The following ATP2A2 variants were observed in gnomAD, a reference collection of about 807,000 sequenced individuals.
The protein encoded by ATP2A2 is sarcoplasmic/endoplasmic reticulum calcium ATPase 2.
A neutral mutation model predicts 109.3 loss-of-function variants in ATP2A2; 14 were observed. The ratio of observed to expected loss-of-function variants is 0.13; its 90% CI spans 0.08 to 0.20. The LOEUF is 0.20. Among genes scored for constraint, ATP2A2 ranks in the 10% least tolerant of loss-of-function variants. The pLI is 1.00. For synonymous variants in ATP2A2, 506 were observed against 490.9 expected (o/e 1.03, Z -0.41); for missense variants, 657 against 1,321.6 (o/e 0.50, Z 7.80).
At position 110,349,012 on chromosome 12, in the gene ATP2A2, C is replaced by T. The variant is rs973241557; in HGVS notation, c.*2542C>T. The T allele has an allele frequency of 1.7e-5, 17 of 985,460 alleles. No homozygotes were observed. In the East Asian group the frequency reaches 3.4e-4, roughly 20 times the overall value. The allele number at this position is 985,460 out of a possible 1,614,324, so 61.0% of individuals were successfully genotyped here. A position where few individuals can be genotyped will look rare whatever the true frequency, so the allele number is the denominator to read the frequency against. ...AGTTGAGTAGTGTGTGGCCTGCTGTCGCACAGCCCCTAGTTAGCTTCATGG... is the reference window on the plus strand; with the variant it reads ...AGTTGAGTAGTGTGTGGCCTGCTGTTGCACAGCCCCTAGTTAGCTTCATGG... On this transcript the variant is annotated 3_prime_UTR_variant, in exon 20 of 20. Coordinates refer to ENST00000539276, the MANE Select transcript of ATP2A2 (RefSeq NM_170665.4).
intron 5 of ATP2A2, among the ~76,000 whole-genome samples, chr12:110,304,295 G>A (rs1464648361): frequency 6.6e-6 from 1 of 152,014 alleles, no homozygotes; most frequent in Non-Finnish European, 1.5e-5. Flanking sequence ...TCTCTGTTAG[G>A]TATGTACCTA....
intron 5 of ATP2A2, among the ~76,000 whole-genome samples, chr12:110,299,101 C>G (rs967671832): frequency 1.3e-5 from 2 of 152,038 alleles, no homozygotes; most frequent in Non-Finnish European, 2.9e-5. Flanking sequence ...TCCTGAATAA[C>G]TGGGATCACA....
chr12:110,334,436 T>A, intron 11 of ATP2A2: 1 of 456,444 alleles, frequency 2.2e-6, no homozygotes, highest in Non-Finnish European at 4.0e-6. Context: ...AGCCACCTCC[T>A]CCCAACATCT....
At position 110,347,568 on chromosome 12, in the gene ATP2A2, A is replaced by ATGTG; in HGVS notation, c.*1104_*1107dup. The ATGTG allele has an allele frequency of 8.0e-7, 1 of 1,250,918 alleles. No homozygotes were observed. Among genetic ancestry groups the ATGTG allele is most frequent in the Non-Finnish European group, 1.0e-6 (1 of 966,466 alleles). 77.5% of individuals were successfully genotyped at this position (1,250,918 alleles called of 1,614,324 possible). A position where few individuals can be genotyped will look rare whatever the true frequency, so the allele number is the denominator to read the frequency against. ...ATAGAGAACATAAGGGCAAGTGTGT[A>ATGTG]TGTGTGTGTATGTGTGTGTTTTGTA... On this transcript the variant is annotated 3_prime_UTR_variant, in exon 20 of 20. Coordinates refer to ENST00000539276, the MANE Select transcript of ATP2A2 (RefSeq NM_170665.4).
At chr12:110,288,304 A>G (rs961821201) in intron 3 of ATP2A2, among the ~76,000 whole-genome samples, 2 of 151,534 alleles carry the variant, frequency 1.3e-5, no homozygotes, top group Admixed American at 6.6e-5. Flanking sequence ...GGGTCTCACT[A>G]TGTTACTCAA....
At chr12:110,289,232 C>A (rs966108703) in intron 3 of ATP2A2, among the ~76,000 whole-genome samples, 1 of 152,156 alleles carries the variant, frequency 6.6e-6, no homozygotes, top group Admixed American at 6.6e-5. Context: ...CCTCACTGAC[C>A]TTTTGGAAAG....
intron 11 of ATP2A2, among the ~76,000 whole-genome samples, chr12:110,338,549 C>A (rs775395143): frequency 2.8e-4 from 42 of 152,188 alleles, no homozygotes; most frequent in Non-Finnish European, 1.0e-4. Flanking sequence ...TCTCTGCCCC[C>A]CTGGCTTTAA....
chr12:110,285,915 C>CTTTTTT (rs371107246), intron 3 of ATP2A2, among the ~76,000 whole-genome samples: 1 of 120,624 alleles, frequency 8.3e-6, no homozygotes, highest in Non-Finnish European at 1.8e-5. Flanking sequence ...TGAGTTAGTG[C>CTTTTTT]TTTTTTTTTT....
At chr12:110,324,644 ACTC>A (rs1877586841) in intron 6 of ATP2A2, among the ~76,000 whole-genome samples, 1 of 151,256 alleles carries the variant, frequency 6.6e-6, no homozygotes, top group Non-Finnish European at 1.5e-5. Context: ...CTGGTCTCGA[ACTC>A]CTGATCTCAT....
At chr12:110,289,429 A>C (rs904067631) in intron 3 of ATP2A2, among the ~76,000 whole-genome samples, 1 of 152,152 alleles carries the variant, frequency 6.6e-6, no homozygotes, top group Non-Finnish European at 1.5e-5. Flanking sequence ...TGGCCTTAAC[A>C]CTAGAATGCC....
At chr12:110,319,724 A>G (rs1012431882) in intron 5 of ATP2A2, among the ~76,000 whole-genome samples, 12 of 151,134 alleles carry the variant, frequency 7.9e-5, no homozygotes, top group African/African-American at 2.9e-4. Flanking sequence ...GTCCTGTACT[A>G]CCTGTTGGTC....
intron 5 of ATP2A2, among the ~76,000 whole-genome samples, chr12:110,314,299 G>A (rs1876421269): frequency 1.3e-5 from 2 of 149,136 alleles, no homozygotes; most frequent in South Asian, 2.1e-4. Context: ...TTGCACTCCA[G>A]CCTGGGCAGC....
At chr12:110,297,470 C>CT (rs1255031189) in intron 5 of ATP2A2, among the ~76,000 whole-genome samples, 2 of 149,756 alleles carry the variant, frequency 1.3e-5, no homozygotes, top group Admixed American at 1.3e-4. Flanking sequence ...CTTAAAAATA[C>CT]TTATGTGTTA....
rs1436549113 is a variant in ATP2A2, at chr12:110,296,678, A to G, written c.404A>G (p.Lys135Arg). The G allele has an allele frequency of 6.2e-7, 1 of 1,614,206 alleles. No individual in the cohort carries two copies. Among genetic ancestry groups the G allele is most frequent in the Admixed American group, 1.7e-5 (1 of 60,024 alleles). ...EMGKVYRQDR[K>R]SVQRIKAKDI... ...GGCAAAGTGTATCGACAGGACAGAA[A>G]GAGTGTGCAGCGGATTAAAGCTAAA... Residue 135 changes from lysine to arginine, a missense_variant, in exon 5 of 20, where the codon AAG becomes AGG. By Grantham distance (26) the Lys-to-Arg change is conservative. Coordinates refer to ENST00000539276, the MANE Select transcript of ATP2A2 (RefSeq NM_170665.4).
chr12:110,331,251 AAAAAG>A (rs1878309893), intron 8 of ATP2A2: 1 of 152,184 alleles, frequency 6.6e-6, no homozygotes, highest in African/African-American at 2.4e-5. Context: ...CAAAAAAAAA[AAAAAG>A]TTATTTTAAA....
Position 110,332,647 on chromosome 12 carries a change from T to C in ATP2A2, c.1146T>C (p.Phe382=). 6.2e-7 allele frequency: 1 copy of C among 1,613,822 alleles called. No individual in the cohort carries two copies. Among genetic ancestry groups the C allele is most frequent in the Non-Finnish European group, 8.5e-7 (1 of 1,179,676 alleles). ...VEGDTCSLNE[F]TITGSTYAPI... ...GTGATACTTGTTCCCTTAATGAGTT[T>C]ACCATAACTGGATCAACTTATGCAC... Residue 382 remains phenylalanine, a synonymous_variant, in exon 9 of 20, where the codon TTT becomes TTC. Coordinates refer to ENST00000539276, the MANE Select transcript of ATP2A2 (RefSeq NM_170665.4).
At chr12:110,338,463 T>C (rs1441149330) in intron 11 of ATP2A2, among the ~76,000 whole-genome samples, 1 of 152,214 alleles carries the variant, frequency 6.6e-6, no homozygotes, top group Non-Finnish European at 1.5e-5. Flanking sequence ...CTTCAGCCAA[T>C]GCTTTTGTTT....
intron 5 of ATP2A2, among the ~76,000 whole-genome samples, chr12:110,322,052 G>A (rs1002720032): frequency 4.0e-5 from 6 of 151,618 alleles, no homozygotes; most frequent in African/African-American, 1.5e-4. Context: ...GTGCAGTGGC[G>A]CGATCTCAGC....
At chr12:110,285,493 G>A (rs1468716176) in intron 3 of ATP2A2, among the ~76,000 whole-genome samples, 1 of 152,144 alleles carries the variant, frequency 6.6e-6, no homozygotes, top group African/African-American at 2.4e-5. Context: ...ACCTGTCACA[G>A]ACACTGGGGA....
Sources: allele counts gnomAD v4.1 joint callset (sites outside exome capture counted in the v4.1 genomes callset), GRCh38; gene constraint gnomAD v4.1.1; transcripts MANE v1.5; gene names NCBI Gene and HGNC (gene_info 2026-07-23, HGNC 2026-07-21).